The following TEKT3 variants were observed in gnomAD, a reference collection of about 807,000 sequenced individuals.
TEKT3 encodes tektin-3.
A neutral mutation model predicts 49.8 loss-of-function variants in TEKT3; 49 were observed. The observed-to-expected ratio is 0.98, with a 90% confidence interval of 0.78 to 1.25. The LOEUF is 1.25. TEKT3 is among the 50% of genes most tolerant of loss of function. The probability of loss-of-function intolerance (pLI) is 0.00; values close to 1 mark genes in which losing one functional copy is unlikely to be tolerated. For synonymous variants in TEKT3, 225 were observed against 237.2 expected, an observed-to-expected ratio of 0.95 and a Z score of 0.47; for missense variants, 595 against 629.5, an observed-to-expected ratio of 0.95 and a Z score of 0.59.
At chr17:15,328,883 T>C (rs895137055) in intron 3 of TEKT3, among the ~76,000 whole-genome samples, 2 of 152,162 alleles carry the variant, frequency 1.3e-5, no homozygotes, top group African/African-American at 4.8e-5. Context: ...CCAAATAATA[T>C]TAAATTTTTA....
upstream of TEKT3, chr17:15,341,678 C>G (rs187334791): frequency 6.6e-6 from 1 of 152,342 alleles, no homozygotes; most frequent in Non-Finnish European, 1.5e-5. Context: ...CAGCGGCCGC[C>G]CCGGCCGGCT....
intron 1 of TEKT3, chr17:15,340,592 A>G (rs1912183876): frequency 6.6e-6 from 1 of 152,218 alleles, no homozygotes; most frequent in Non-Finnish European, 1.5e-5. Context: ...ATGAGTAGTA[A>G]AAGTATAAAA....
intron 2 of TEKT3, among the ~76,000 whole-genome samples, chr17:15,335,960 C>A (rs1911963623): frequency 6.6e-6 from 1 of 151,600 alleles, no homozygotes; most frequent in South Asian, 2.1e-4. Context: ...GGTGCAATAG[C>A]AAAGGTTCTA....
intron 4 of TEKT3, among the ~76,000 whole-genome samples, chr17:15,327,490 T>C (rs1911540572): frequency 6.6e-6 from 1 of 151,170 alleles, no homozygotes; most frequent in Non-Finnish European, 1.5e-5. Flanking sequence ...CACTCCAGCC[T>C]GGGCGATAAG....
intron 5 of TEKT3, among the ~76,000 whole-genome samples, chr17:15,318,715 T>C (rs1911124686): frequency 6.6e-6 from 1 of 152,072 alleles, no homozygotes; most frequent in Non-Finnish European, 1.5e-5. Flanking sequence ...TTTGTATCTT[T>C]TATCTGTAGA....
rs1408972163 is a variant in TEKT3 at position 15,306,870 on chromosome 17, A to C, written c.1256+1794T>G. 3 of 152,210 alleles carry C rather than the reference A, an allele frequency of 2.0e-5. No homozygotes were observed. The East Asian group carries it at 5.8e-4, about 29-fold the overall frequency. 9.4% of individuals were successfully genotyped at this position (152,210 alleles called of 1,614,324 possible). A position where few individuals can be genotyped will look rare whatever the true frequency, so the allele number is the denominator to read the frequency against. ...TCACTGCTGGGTTCTTCTAAAGCAG[A>C]GAGGTGCCTCCAGTTGGCTGTCTAG... On this transcript the variant is annotated intron_variant, in intron 8 of 8. Coordinates refer to ENST00000395930, the MANE Select transcript of TEKT3 (RefSeq NM_031898.3).
chr17:15,337,075 T>C (rs548603064), intron 2 of TEKT3, among the ~76,000 whole-genome samples: 52 of 152,014 alleles, frequency 3.4e-4, no homozygotes, highest in Non-Finnish European at 6.6e-4. Context: ...AAAAAAATAA[T>C]AAAAATAAAT....
intron 5 of TEKT3, among the ~76,000 whole-genome samples, chr17:15,317,073 C>T (rs901265204): frequency 6.6e-6 from 1 of 152,122 alleles, no homozygotes. Flanking sequence ...AGTCACCTGC[C>T]CTGGACAGAT....
At chr17:15,325,271 A>G (rs1158760553) in intron 4 of TEKT3, among the ~76,000 whole-genome samples, 1 of 152,076 alleles carries the variant, frequency 6.6e-6, no homozygotes, top group East Asian at 1.9e-4. Flanking sequence ...CAGCTCACCA[A>G]TTTTTACAAA....
At chr17:15,333,004 G>T (rs230908) in intron 2 of TEKT3, among the ~76,000 whole-genome samples, 102,084 of 151,150 alleles carry the variant, frequency 0.68, 35,074 homozygotes, top group African/African-American at 0.8. Flanking sequence ...CTAATCATTT[G>T]ATATATCATT....
chr17:15,318,977 G>T, intron 5 of TEKT3, 100 bp downstream of exon 5: 1 of 900,310 alleles, frequency 1.1e-6, no homozygotes, highest in Non-Finnish European at 1.7e-6. Flanking sequence ...ATATGCCTGT[G>T]TGTGTGTCCT....
At chr17:15,317,921 A>G (rs1911076118) in intron 5 of TEKT3, among the ~76,000 whole-genome samples, 1 of 151,618 alleles carries the variant, frequency 6.6e-6, no homozygotes, top group African/African-American at 2.4e-5. Context: ...AACAGTTACA[A>G]TGCTGTGGGA....
At chr17:15,308,399 A>G (rs1184262130) in intron 8 of TEKT3, among the ~76,000 whole-genome samples, 1 of 152,174 alleles carries the variant, frequency 6.6e-6, no homozygotes, top group Non-Finnish European at 1.5e-5. Context: ...ATAACATAAA[A>G]CTTTAACCAA....
At chr17:15,306,089 A>ATATATATATATATG (rs1291765039) in intron 8 of TEKT3, among the ~76,000 whole-genome samples, 2 of 144,314 alleles carry the variant, frequency 1.4e-5, no homozygotes, top group South Asian at 2.2e-4. Context: ...ATTTATATAT[A>ATATATATATATATG]TGTGTGTGTG....
intron 4 of TEKT3, among the ~76,000 whole-genome samples, chr17:15,323,343 C>T (rs565234960): frequency 2.1e-4 from 32 of 152,322 alleles, no homozygotes; most frequent in South Asian, 1.0e-3. Flanking sequence ...CCCAGAGCCC[C>T]AGCCTGAGTT....
intron 2 of TEKT3, among the ~76,000 whole-genome samples, chr17:15,332,692 T>G (rs1347894710): frequency 6.6e-6 from 1 of 152,204 alleles, no homozygotes; most frequent in East Asian, 1.9e-4. Flanking sequence ...TTATGAGGGC[T>G]AAGACAATGC....
At chr17:15,312,535 G>A (rs1030910987) in intron 6 of TEKT3, 54 bp from the exon 7 acceptor site, 3 of 1,509,246 alleles carry the variant, frequency 2.0e-6, no homozygotes, top group Middle Eastern at 1.7e-4. Flanking sequence ...TCAGCCTACA[G>A]GATCGCTAGG....
At chr17:15,318,079 T>G (rs780070859) in intron 5 of TEKT3, among the ~76,000 whole-genome samples, 2 of 142,364 alleles carry the variant, frequency 1.4e-5, no homozygotes, top group Non-Finnish European at 3.0e-5. Flanking sequence ...AAGCTCCACC[T>G]CCCAGGTTCA....
intron 3 of TEKT3, among the ~76,000 whole-genome samples, chr17:15,330,082 A>G (rs2150749489): frequency 6.6e-6 from 1 of 152,248 alleles, no homozygotes; most frequent in East Asian, 1.9e-4. Context: ...GCAACTGGCC[A>G]ATCTCAGCAC....
Sources: gnomAD v4.1 joint callset for allele counts (sites outside exome capture counted in the v4.1 genomes callset) on GRCh38, gnomAD v4.1.1 for gene constraint, MANE v1.5 for transcripts, NCBI Gene and HGNC (gene_info 2026-07-23, HGNC 2026-07-21) for gene names.